Variants in KIAA0586 observed in about 807,000 individuals in gnomAD.
The protein encoded by KIAA0586 is protein TALPID3.
In KIAA0586, 144 loss-of-function variants were observed where a neutral mutation model predicts 169.8. That is an observed-to-expected ratio of 0.85 (90% CI 0.74 to 0.97). The LOEUF (loss-of-function observed/expected upper bound fraction) is 0.97. Ranked by LOEUF, KIAA0586 falls within the 50% of genes least tolerant of loss-of-function variation. The pLI is 0.00. For missense variants in KIAA0586, 1,854 were observed against 1,823.0 expected (o/e 1.02, Z -0.31); for synonymous variants, 625 against 612.4 (o/e 1.02, Z -0.30).
chr14:58,536,380 T>A (rs1216061039), intron 29 of KIAA0586, among the ~76,000 whole-genome samples: 1 of 152,208 alleles, frequency 6.6e-6, no homozygotes, highest in Non-Finnish European at 1.5e-5. Context: ...CTCCCACTTA[T>A]AAGTGAGAAT....
At chr14:58,490,360 A>C (rs988700500) in intron 25 of KIAA0586, 120 bp downstream of exon 25, 1 of 474,492 alleles carries the variant, frequency 2.1e-6, no homozygotes. Flanking sequence ...TTAGTAAAAT[A>C]ACCATGAAAT....
At chr14:58,551,698 G>A (rs949522262), downstream of KIAA0586, among the ~76,000 whole-genome samples, 18 of 152,018 alleles carry the variant, frequency 1.2e-4, no homozygotes, top group African/African-American at 3.6e-4. Flanking sequence ...CCCAGGAGGC[G>A]GAGGTTGCAG....
chr14:58,432,504 C>A, intron 4 of KIAA0586, 47 bp downstream of exon 4: 3 of 1,029,466 alleles, frequency 2.9e-6, no homozygotes, highest in South Asian at 1.5e-5. Flanking sequence ...TTATGTAAAT[C>A]AGCTTCATTT....
rs549846653 is a variant in KIAA0586 at position 58,520,859 on chromosome 14, C to G, written c.4429+8232C>G. On this transcript the variant is annotated intron_variant, in intron 29 of 30. Transcript: ENST00000652326. Reference sequence around the variant, plus strand: ...TTTTCAAGGTCCATCCATATTGTAGCAGGTATCATTACTTTATTTTTTTTT... The same window carrying G: ...TTTTCAAGGTCCATCCATATTGTAGGAGGTATCATTACTTTATTTTTTTTT... 150 of 163,322 alleles carry G rather than the reference C, an allele frequency of 9.2e-4. 1 individual carries two copies. Among genetic ancestry groups the G allele is most frequent in the African/African-American group, 3.4e-3 (143 of 41,590 alleles). 10.1% of individuals were successfully genotyped at this position (163,322 alleles called of 1,614,324 possible). A position where few individuals can be genotyped will look rare whatever the true frequency, so the allele number is the denominator to read the frequency against.
At chr14:58,473,031 C>T (rs2041346211) in intron 18 of KIAA0586, among the ~76,000 whole-genome samples, 1 of 149,116 alleles carries the variant, frequency 6.7e-6, no homozygotes, top group African/African-American at 2.5e-5. Flanking sequence ...AGCAAAGGTA[C>T]TTGGTAATTG....
chr14:58,559,879 G>A, the KIAA0586 span, among the ~76,000 whole-genome samples: 4 of 152,276 alleles, frequency 2.6e-5, no homozygotes, highest in African/African-American at 4.8e-5. Context: ...CCAGCCGGGC[G>A]CGGTGGCTCA....
Position 58,522,592 on chromosome 14 carries a change from C to T in KIAA0586, c.4429+9965C>T, listed in dbSNP as rs1435620510. Among the ~76,000 whole-genome samples, 6 of 152,150 alleles carry T rather than the reference C, an allele frequency of 3.9e-5. No individual in the cohort carries two copies. The South Asian group carries it at 1.2e-3, about 32-fold the overall frequency. ...ACTGTGGGTTATTTTTGTGAACAGC[C>T]TGATGTTTGGGACCTTTTTTCCTCA... On this transcript the variant is annotated intron_variant, in intron 29 of 30. Transcript: ENST00000652326.
chr14:58,442,502 A>G (rs552408731), intron 4 of KIAA0586, among the ~76,000 whole-genome samples: 2 of 152,288 alleles, frequency 1.3e-5, no homozygotes, highest in African/African-American at 4.8e-5. Context: ...TAATATTGCT[A>G]CCTTCAAGGA....
rs1050155600 is a variant in KIAA0586 at position 58,548,954 on chromosome 14, C to T, written c.*1022C>T. 6.6e-6 allele frequency: 1 copy of T among 152,084 alleles called. No homozygotes were observed. The allele number at this position is 152,084 out of a possible 1,614,324, so 9.4% of individuals were successfully genotyped here. A position where few individuals can be genotyped will look rare whatever the true frequency, so the allele number is the denominator to read the frequency against. On this transcript the variant is annotated 3_prime_UTR_variant, in exon 31 of 31. Transcript: ENST00000652326. ...CTTATTTTTGCAGAATAATGGACAT[C>T]AGTGATTGTGTGTGGAGATGGGGGT...
At chr14:58,486,502 C>G (rs2042452872) in intron 21 of KIAA0586, among the ~76,000 whole-genome samples, 2 of 151,914 alleles carry the variant, frequency 1.3e-5, no homozygotes, top group African/African-American at 4.8e-5. Flanking sequence ...AGTCAACAAA[C>G]ATGAAAAAAT....
At chr14:58,432,342 A>G (rs756823865) in intron 3 of KIAA0586, 46 bp from the exon 4 acceptor site, 12 of 1,158,138 alleles carry the variant, frequency 1.0e-5, no homozygotes, top group Non-Finnish European at 1.5e-5. Context: ...AAAGTTTAAT[A>G]AATATTCAGG....
chr14:58,514,109 T>C (rs1424268644), intron 29 of KIAA0586, among the ~76,000 whole-genome samples: 2 of 152,110 alleles, frequency 1.3e-5, no homozygotes, highest in Non-Finnish European at 2.9e-5. Context: ...CACTCTATAA[T>C]TGGTACATAT....
chr14:58,504,414 G>C (rs546340677), intron 27 of KIAA0586, among the ~76,000 whole-genome samples: 1 of 152,094 alleles, frequency 6.6e-6, no homozygotes, highest in Admixed American at 6.5e-5. Context: ...ATGGAGGAAG[G>C]ACAGAATTAG....
intron 19 of KIAA0586, 111 bp downstream of exon 19, chr14:58,474,908 C>T (rs1240113239): frequency 2.4e-6 from 2 of 828,914 alleles, no homozygotes; most frequent in Non-Finnish European, 1.8e-6. Context: ...ATTAAACTTT[C>T]TTTGCTTTAG....
chr14:58,559,890 C>T, the KIAA0586 span, among the ~76,000 whole-genome samples: 4 of 152,252 alleles, frequency 2.6e-5, no homozygotes, highest in Admixed American at 1.3e-4. Flanking sequence ...CGGTGGCTCA[C>T]GCCTGTAATT....
At chr14:58,478,530 CTA>C in intron 20 of KIAA0586, among the ~76,000 whole-genome samples, 1 of 152,180 alleles carries the variant, frequency 6.6e-6, no homozygotes, top group Non-Finnish European at 1.5e-5. Context: ...TGGGGTCTTG[CTA>C]TATTGCCCAG....
rs113011536 is a variant in KIAA0586 at position 58,522,098 on chromosome 14, C to T, written c.4429+9471C>T. On this transcript the variant is annotated intron_variant, in intron 29 of 30. Transcript: ENST00000652326. ...TCTCCCATGGTATCTTCAGCACATG[C>T]TCACTGTTCTCCCAATCCTTGTCCT... is the stretch of plus-strand genomic sequence containing the variant. 732 of 656,272 alleles carry T rather than the reference C, an allele frequency of 1.1e-3. 6 individuals carry two copies. The African/African-American group carries it at 0.011, about 10-fold the overall frequency. 40.7% of individuals were successfully genotyped at this position (656,272 alleles called of 1,614,324 possible).
chr14:58,518,647 T>C (rs2044948594), intron 29 of KIAA0586, among the ~76,000 whole-genome samples: 1 of 152,232 alleles, frequency 6.6e-6, no homozygotes, highest in South Asian at 2.1e-4. Context: ...TCAATGCCTT[T>C]TTGCATTATC....
At chr14:58,480,127 T>A (rs542235617) in intron 20 of KIAA0586, among the ~76,000 whole-genome samples, 1 of 152,282 alleles carries the variant, frequency 6.6e-6, no homozygotes, top group South Asian at 2.1e-4. Flanking sequence ...TAATTTCTCA[T>A]TACCTACTTC....
Sources: allele counts gnomAD v4.1 joint callset (sites outside exome capture counted in the v4.1 genomes callset), GRCh38; gene constraint gnomAD v4.1.1; transcripts MANE v1.5; gene names NCBI Gene and HGNC (gene_info 2026-07-23, HGNC 2026-07-21).